Variants in MALRD1 observed in about 807,000 individuals in gnomAD.
MALRD1 encodes the protein MAM and LDL-receptor class A domain-containing protein 1.
Under a neutral mutation model 242.1 loss-of-function variants are expected in MALRD1, and 247 were observed. That is an observed-to-expected ratio of 1.02 (90% CI 0.92 to 1.13). The LOEUF is 1.13. Ranked by LOEUF, MALRD1 falls within the 50% of genes most tolerant of loss-of-function variation. The pLI is 0.00. For synonymous variants in MALRD1, 995 were observed against 866.6 expected (o/e 1.15, Z -2.60); for missense variants, 2,989 against 2,533.1 (o/e 1.18, Z -3.86).
chr10:19,213,511 C>T (rs779632052), intron 18 of MALRD1, among the ~76,000 whole-genome samples: 28 of 152,136 alleles, frequency 1.8e-4, no homozygotes, highest in Non-Finnish European at 3.2e-4. Context: ...AGATTACAGG[C>T]GTGAGCCACT....
At chr10:19,182,818 T>C (rs1449164669) in intron 14 of MALRD1, among the ~76,000 whole-genome samples, 2 of 152,178 alleles carry the variant, frequency 1.3e-5, no homozygotes, top group Non-Finnish European at 2.9e-5. Flanking sequence ...GTCTCTAATA[T>C]GTCAAATGGT....
rs192759723 is a variant in MALRD1 at position 19,566,766 on chromosome 10, A to T, written c.5479-736A>T. On this transcript the variant is annotated intron_variant, in intron 32 of 39. Transcript: ENST00000454679. Reference sequence around the variant, plus strand: ...TATATAACGTTGGTATCTGATAACTATAAAATTTAGGTGCAAAAAGAGAAT... The same window carrying T: ...TATATAACGTTGGTATCTGATAACTTTAAAATTTAGGTGCAAAAAGAGAAT... Among the ~76,000 whole-genome samples, 208 of 151,984 alleles carry T rather than the reference A, an allele frequency of 1.4e-3. 1 individual carries two copies. Among genetic ancestry groups the T allele is most frequent in the Non-Finnish European group, 7.1e-4 (48 of 67,956 alleles).
rs545590953 is a variant in MALRD1 at position 19,053,944 on chromosome 10, C to A, written c.199+4807C>A. 2.0e-5 allele frequency among the ~76,000 whole-genome samples: 3 copies of A among 152,000 alleles called. No individual in the cohort carries two copies. The East Asian group carries it at 5.8e-4, about 29-fold the overall frequency. ...CTGAGTCCTCAAGATTAAATAAATT[C>A]CATTTTCACATGATATTAAGCACTT... On this transcript the variant is annotated intron_variant, in intron 1 of 39. Coordinates refer to ENST00000454679, the MANE Select transcript of MALRD1 (RefSeq NM_001142308.3).
At chr10:19,451,377 A>G (rs983260554) in intron 29 of MALRD1, among the ~76,000 whole-genome samples, 11 of 152,208 alleles carry the variant, frequency 7.2e-5, no homozygotes, top group Non-Finnish European at 1.6e-4. Context: ...GCCATTTATC[A>G]TGTTTCTAAA....
intron 10 of MALRD1, 73 bp downstream of exon 10, chr10:19,136,854 G>C: frequency 1.7e-5 from 18 of 1,059,708 alleles, no homozygotes; most frequent in Non-Finnish European, 2.0e-5. Context: ...AACAGTCTTT[G>C]TTTCTATCAA....
chr10:19,347,648 G>C, intron 24 of MALRD1, 123 bp from the exon 25 acceptor site: 1 of 1,108,384 alleles, frequency 9.0e-7, no homozygotes, highest in South Asian at 1.6e-5. Context: ...GTTGCTATCA[G>C]GATAGCATTA....
chr10:19,579,646 C>G (rs916151502), intron 33 of MALRD1, among the ~76,000 whole-genome samples: 13 of 151,976 alleles, frequency 8.6e-5, no homozygotes, highest in African/African-American at 3.1e-4. Flanking sequence ...TCATTATTTC[C>G]TCTGTAATTT....
intron 32 of MALRD1, among the ~76,000 whole-genome samples, chr10:19,542,955 G>A (rs1050250302): frequency 1.3e-5 from 2 of 152,114 alleles, no homozygotes; most frequent in African/African-American, 2.4e-5. Context: ...ACAGTAAATA[G>A]CCCTCTTTGT....
chr10:19,546,669 T>C (rs573699917), intron 32 of MALRD1, among the ~76,000 whole-genome samples: 3 of 152,364 alleles, frequency 2.0e-5, no homozygotes, highest in Non-Finnish European at 4.4e-5. Context: ...TCTTTTCTTT[T>C]ACCTGTAGGT....
At chr10:19,629,602 T>C (rs1293110146) in intron 36 of MALRD1, among the ~76,000 whole-genome samples, 1 of 152,134 alleles carries the variant, frequency 6.6e-6, no homozygotes, top group Non-Finnish European at 1.5e-5. Flanking sequence ...GGGGTAGCCG[T>C]TGGTTGAAAA....
intron 38 of MALRD1, among the ~76,000 whole-genome samples, chr10:19,699,772 AG>A (rs1833539156): frequency 6.6e-6 from 1 of 151,732 alleles, no homozygotes; most frequent in Non-Finnish European, 1.5e-5. Context: ...GAGAGAGAGT[AG>A]GGGGGAAGTG....
intron 35 of MALRD1, among the ~76,000 whole-genome samples, chr10:19,611,347 G>A (rs115284669): frequency 3.3e-3 from 494 of 151,994 alleles, no homozygotes; most frequent in African/African-American, 0.011. Context: ...CGTACATTAA[G>A]GGGGAAAAAT....
chr10:19,124,690 C>A lies in MALRD1; in HGVS notation c.943+20C>A, dbSNP rs568997374. On this transcript the variant is annotated intron_variant, in intron 7 of 39. Coordinates refer to ENST00000454679, the MANE Select transcript of MALRD1 (RefSeq NM_001142308.3). ...ATGAAGGTAGAAAAAAAAATAATATCTTTTATGTATTACTTTCAGAATTCT... is the reference window on the plus strand; with the variant it reads ...ATGAAGGTAGAAAAAAAAATAATATATTTTATGTATTACTTTCAGAATTCT... 1.1e-5 allele frequency: 13 copies of A among 1,232,898 alleles called. No homozygotes were observed. The highest frequency in any genetic ancestry group is 4.2e-5 in the Admixed American group (1 of 23,682). The allele number at this position is 1,232,898 out of a possible 1,614,324, so 76.4% of individuals were successfully genotyped here.
chr10:19,133,439 T>C (rs1195224629), intron 8 of MALRD1, among the ~76,000 whole-genome samples: 2 of 152,304 alleles, frequency 1.3e-5, no homozygotes, highest in African/African-American at 4.8e-5. Flanking sequence ...TCTGACAACA[T>C]TTTTAACCTT....
intron 18 of MALRD1, among the ~76,000 whole-genome samples, chr10:19,246,126 A>T (rs549541267): frequency 6.6e-6 from 1 of 152,132 alleles, no homozygotes; most frequent in Admixed American, 6.5e-5. Context: ...ACAACTGACT[A>T]TATTAGTTTG....
At position 19,615,874 on chromosome 10, in the gene MALRD1, T is replaced by C; in HGVS notation, c.6088T>C (p.Cys2030Arg). The C allele has an allele frequency of 6.5e-7, 1 of 1,531,660 alleles. No individual in the cohort carries two copies. Among genetic ancestry groups the C allele is most frequent in the Non-Finnish European group, 8.7e-7 (1 of 1,144,124 alleles). The allele number at this position is 1,531,660 out of a possible 1,614,324, so 94.9% of individuals were successfully genotyped here. A position where few individuals can be genotyped will look rare whatever the true frequency, so the allele number is the denominator to read the frequency against. The change falls in exon 36 of 40, where the codon TGC (cysteine) becomes CGC (arginine). Residue 2030 changes from cysteine (C) to arginine (R), a missense_variant. Coordinates refer to ENST00000454679, the MANE Select transcript of MALRD1 (RefSeq NM_001142308.3). ...CTTTTTAGAATGTCCATTAAATTAC[T>C]GCAGAAATGGTGGGACTTGTGTAGT... ...SSCSECPLNYCRNGGTCVVEK... is the reference protein window; with the variant it reads ...SSCSECPLNYRRNGGTCVVEK...
intron 34 of MALRD1, among the ~76,000 whole-genome samples, chr10:19,605,843 G>A (rs909337124): frequency 1.3e-5 from 2 of 151,932 alleles, no homozygotes; most frequent in Non-Finnish European, 2.9e-5. Flanking sequence ...TCATCACCAT[G>A]TATGATTCTG....
intron 18 of MALRD1, among the ~76,000 whole-genome samples, chr10:19,236,671 G>T (rs942510766): frequency 8.5e-5 from 13 of 152,104 alleles, no homozygotes; most frequent in African/African-American, 2.9e-4. Context: ...ACATAAAAAG[G>T]AAGGTTACTG....
chr10:19,544,255 T>A (rs1835107022), intron 32 of MALRD1, among the ~76,000 whole-genome samples: 1 of 152,086 alleles, frequency 6.6e-6, no homozygotes, highest in Non-Finnish European at 1.5e-5. Context: ...GATGGTGTGA[T>A]CTTGGCACTG....
Sources: gnomAD v4.1 joint callset for allele counts (sites outside exome capture counted in the v4.1 genomes callset) on GRCh38, gnomAD v4.1.1 for gene constraint, MANE v1.5 for transcripts, NCBI Gene and HGNC (gene_info 2026-07-23, HGNC 2026-07-21) for gene names.